PUDP: variants seen among roughly 807,000 people sequenced by gnomAD.
PUDP encodes pseudouridine-5'-phosphatase.
PUDP carries 8 observed loss-of-function variants against 9.4 expected under a neutral mutation model. The ratio of observed to expected loss-of-function variants is 0.85; its 90% CI spans 0.50 to 1.53. The LOEUF is 1.53. PUDP is among the 40% of genes most tolerant of loss of function. The pLI, the probability that PUDP is intolerant of heterozygous loss-of-function variation, is 0.00. For synonymous variants in PUDP, 99 were observed against 80.7 expected, an observed-to-expected ratio of 1.23 and a Z score of -1.22; for missense variants, 188 against 189.7, an observed-to-expected ratio of 0.99 and a Z score of 0.05.
intron 3 of PUDP, among the ~76,000 whole-genome samples, chrX:6,816,762 CAA>C (rs1206960857): frequency 4.3e-5 from 4 of 92,476 alleles, no homozygotes; most frequent in Non-Finnish European, 6.2e-5. Flanking sequence ...ATAGTATATA[CAA>C]TATATATACA....
chrX:6,718,609 G>A (rs1328059633), intron 1 of PUDP, among the ~76,000 whole-genome samples: 2 of 111,031 alleles, frequency 1.8e-5, no homozygotes, highest in Non-Finnish European at 3.8e-5. Context: ...GTGGAAGGGT[G>A]GGAGGAGAGT....
chrX:6,947,001 G>GT (rs10574189), intron 3 of PUDP, among the ~76,000 whole-genome samples: 999 of 29,413 alleles, frequency 0.034, 7 homozygotes, highest in Middle Eastern at 0.1. Context: ...CTGTTTGTTT[G>GT]TTTTTTTTTT....
At chrX:6,889,649 TC>T (rs202011893) in intron 3 of PUDP, among the ~76,000 whole-genome samples, 5,492 of 112,044 alleles carry the variant, frequency 0.049, 143 homozygotes, top group East Asian at 0.15. Context: ...TCCCTTTTTT[TC>T]CATATTCTTC....
At chrX:6,902,900 G>A (rs900166439) in intron 3 of PUDP, among the ~76,000 whole-genome samples, 1 of 111,682 alleles carries the variant, frequency 9.0e-6, no homozygotes, top group Non-Finnish European at 1.9e-5. Flanking sequence ...AGCTAAGTAG[G>A]AGGAGGGGGA....
intron 3 of PUDP, among the ~76,000 whole-genome samples, chrX:6,770,256 G>T (rs1222303842): frequency 1.8e-5 from 2 of 112,628 alleles, no homozygotes; most frequent in Non-Finnish European, 3.7e-5. Context: ...ACATTCATTT[G>T]CATGCCTGTC....
At chrX:6,842,247 A>G (rs1479676401) in intron 3 of PUDP, among the ~76,000 whole-genome samples, 5 of 112,275 alleles carry the variant, frequency 4.5e-5, no homozygotes, top group Non-Finnish European at 1.9e-5. Flanking sequence ...AACGTAACAT[A>G]TACACTTACA....
chrX:7,080,772 G>C (rs779182418), intron 2 of PUDP, among the ~76,000 whole-genome samples: 3 of 110,650 alleles, frequency 2.7e-5, no homozygotes, highest in Admixed American at 9.7e-5. Context: ...TTAAAAAAGA[G>C]ACAGTCACGT....
At chrX:6,946,977 TTTTG>T (rs202243439) in intron 3 of PUDP, among the ~76,000 whole-genome samples, 9 of 100,988 alleles carry the variant, frequency 8.9e-5, no homozygotes, top group East Asian at 3.1e-4. Flanking sequence ...GTCTGTTTTT[TTTTG>T]TTTGTTTTTC....
intron 3 of PUDP, among the ~76,000 whole-genome samples, chrX:6,940,654 G>C (rs768846704): frequency 2.7e-5 from 3 of 111,521 alleles, no homozygotes; most frequent in Admixed American, 9.6e-5. Context: ...CTATGATGGA[G>C]TACCTGCTGG....
chrX:6,800,705 G>A (rs1230135874), intron 3 of PUDP, among the ~76,000 whole-genome samples: 6 of 111,410 alleles, frequency 5.4e-5, no homozygotes, highest in African/African-American at 2.0e-4. Context: ...CTCCCAGCAC[G>A]AGTGATGGCG....
At chrX:6,998,894 G>C (rs1367571244) in intron 1 of PUDP, among the ~76,000 whole-genome samples, 1 of 111,226 alleles carries the variant, frequency 9.0e-6, no homozygotes, top group Non-Finnish European at 1.9e-5. Context: ...CCAAAATGCA[G>C]ACAGATGAAT....
At chrX:6,825,784 T>C (rs1410004051) in intron 3 of PUDP, among the ~76,000 whole-genome samples, 1 of 111,221 alleles carries the variant, frequency 9.0e-6, no homozygotes, top group East Asian at 2.8e-4. Context: ...CCACCCCAGC[T>C]TGCTGTGCAA....
intron 1 of PUDP, among the ~76,000 whole-genome samples, chrX:6,978,351 AAGAG>A (rs5901332): frequency 4.1e-4 from 45 of 109,101 alleles, no homozygotes; most frequent in African/African-American, 1.1e-3. Context: ...TTTCTAAAAA[AAGAG>A]AGAGAGAGAG....
intron 3 of PUDP, among the ~76,000 whole-genome samples, chrX:6,910,019 T>C (rs984900657): frequency 8.9e-6 from 1 of 112,095 alleles, no homozygotes; most frequent in African/African-American, 3.2e-5. Context: ...AATTTGGCCA[T>C]GTGGACTCAG....
intron 3 of PUDP, among the ~76,000 whole-genome samples, chrX:7,056,925 G>A (rs1414320507): frequency 8.9e-6 from 1 of 112,125 alleles, no homozygotes; most frequent in African/African-American, 3.2e-5. Flanking sequence ...CCCAGCTGAA[G>A]GCTAAAATAT....
Position 6,710,963 on chromosome X carries a change from G to T in PUDP, n.129-4497C>A, listed in dbSNP as rs758506920. On this transcript the variant is annotated intron_variant and non_coding_transcript_variant, in intron 1 of 2. Transcript: ENST00000438499. ...TGAAGACTGGGTTCCATGGAGAAAG[G>T]GGGGAAAAGTGTGGAGCTGCACTGA... Among the ~76,000 whole-genome samples, 4 of 111,390 alleles carry T rather than the reference G, an allele frequency of 3.6e-5. No individual in the cohort carries two copies. In the South Asian group the frequency reaches 1.5e-3, roughly 43 times the overall value.
At chrX:7,121,680 C>A (rs1230493928) in intron 1 of PUDP, among the ~76,000 whole-genome samples, 1 of 111,234 alleles carries the variant, frequency 9.0e-6, no homozygotes, top group African/African-American at 3.3e-5. Flanking sequence ...AGGGTACAGG[C>A]ATATAGGGAG....
chrX:7,000,540 T>G (rs924860288), intron 1 of PUDP, among the ~76,000 whole-genome samples: 9 of 110,300 alleles, frequency 8.2e-5, no homozygotes, highest in African/African-American at 2.9e-4. Flanking sequence ...AGGAAAGACA[T>G]TTTTATTAAA....
At chrX:7,110,336 C>A (rs1169187481) in intron 1 of PUDP, among the ~76,000 whole-genome samples, 1 of 112,140 alleles carries the variant, frequency 8.9e-6, no homozygotes, top group Non-Finnish European at 1.9e-5. Flanking sequence ...TCACTAAGTC[C>A]GCCCCTGAGG....
Sources: allele counts gnomAD v4.1 joint callset (sites outside exome capture counted in the v4.1 genomes callset), GRCh38; gene constraint gnomAD v4.1.1; transcripts MANE v1.5; gene names NCBI Gene and HGNC (gene_info 2026-07-23, HGNC 2026-07-21).